The following CNOT3 variants were observed in gnomAD, a reference collection of about 807,000 sequenced individuals.
The protein encoded by CNOT3 is CCR4-associated factor 3.
A neutral mutation model predicts 89.4 loss-of-function variants in CNOT3; 2 were observed. That is an observed-to-expected ratio of 0.02 (90% CI 0.01 to 0.07). CNOT3 has a LOEUF of 0.07. Ranked by LOEUF, CNOT3 falls within the 10% of genes least tolerant of loss-of-function variation. The pLI is 1.00. For synonymous variants in CNOT3, 486 were observed against 402.0 expected (o/e 1.21, Z -2.50); for missense variants, 664 against 1,010.2 (o/e 0.66, Z 4.65).
At chr19:54,151,448 A>AGG (rs1339012968) in intron 13 of CNOT3, among the ~76,000 whole-genome samples, 1 of 152,142 alleles carries the variant, frequency 6.6e-6, no homozygotes, top group African/African-American at 2.4e-5. Flanking sequence ...TCACACCTGT[A>AGG]ATCCCAGCTC....
Position 54,148,691 on chromosome 19 carries a change from A to G in CNOT3, c.1354A>G (p.Ser452Gly). 1 of 1,611,984 alleles carries G rather than the reference A, an allele frequency of 6.2e-7. No homozygotes were observed. The highest frequency in any genetic ancestry group is 1.1e-5 in the South Asian group (1 of 90,662). The stretch of plus-strand genomic sequence containing the variant: ...CAGCAGTGGGGGCAACAATGCCAGC[A>G]GCCAGGCCTTGGGCCCCCCTTCCGG... ...LSSSGGNNAS[S>G]QALGPPSGPH... The change falls in exon 12 of 18, where the codon AGC becomes GGC. Residue 452 changes from serine (S) to glycine (G), a missense_variant. Around this residue, in one of 8 missense-constraint regions of CNOT3, gnomAD observed 545 missense variants for 566.2 expected, o/e 0.96. Coordinates refer to ENST00000221232, the MANE Select transcript of CNOT3 (RefSeq NM_014516.4). The surrounding 1 kb of genome is among the most constrained non-coding windows in gnomAD (Gnocchi z 6.3).
chr19:54,140,671 T>G (rs1274589315), intron 1 of CNOT3, among the ~76,000 whole-genome samples: 1 of 152,196 alleles, frequency 6.6e-6, no homozygotes, highest in Admixed American at 6.5e-5. Context: ...GCCCCTTCTC[T>G]GTGGAGGAGC....
intron 17 of CNOT3, 199 bp downstream of exon 17, chr19:54,154,039 A>G (rs2075289380): frequency 2.7e-6 from 2 of 752,562 alleles, no homozygotes; most frequent in Non-Finnish European, 2.4e-6. Context: ...GCCAGCTCCT[A>G]GGCCTCCTGT....
chr19:54,140,709 C>A (rs2074414824), intron 1 of CNOT3, among the ~76,000 whole-genome samples: 1 of 152,144 alleles, frequency 6.6e-6, no homozygotes, highest in South Asian at 2.1e-4. Flanking sequence ...TCAGCTGTAG[C>A]CGACTTCGAT....
At chr19:54,138,960 C>T (rs1451319582) in intron 1 of CNOT3, among the ~76,000 whole-genome samples, 1 of 152,232 alleles carries the variant, frequency 6.6e-6, no homozygotes, top group Non-Finnish European at 1.5e-5. Context: ...ACTCTCCGAC[C>T]TTCTGGGTGT....
At chr19:54,152,814 A>C in intron 15 of CNOT3, 53 bp from the exon 16 acceptor site, 1 of 919,872 alleles carries the variant, frequency 1.1e-6, no homozygotes, top group Non-Finnish European at 1.7e-6. Context: ...CACCCTTTTG[A>C]TCACGACAGG....
chr19:54,152,306 G>A lies in CNOT3; in HGVS notation c.1686G>A (p.Thr562=), dbSNP rs755814660. Reference sequence around the variant, plus strand: ...CTGGCATTGAGGACCCTGTGCCAACGCTGCACCTGACCGAGCGAGGTGAGG... The same window carrying A: ...CTGGCATTGAGGACCCTGTGCCAACACTGCACCTGACCGAGCGAGGTGAGG... The part of the protein sequence containing the change: ...ISSGIEDPVP[T]LHLTERDIIL... The change falls in exon 14 of 18, where the codon ACG becomes ACA. Residue 562 remains threonine, a synonymous_variant. Transcript: ENST00000221232. The A allele has an allele frequency of 4.8e-5, 78 of 1,614,074 alleles. No homozygotes were observed. The highest frequency in any genetic ancestry group is 6.1e-5 in the Non-Finnish European group (72 of 1,180,032).
intron 17 of CNOT3, chr19:54,154,723 G>A (rs1346624449): frequency 6.5e-6 from 1 of 153,178 alleles, no homozygotes; most frequent in Non-Finnish European, 1.5e-5. Flanking sequence ...TTAGAACCTA[G>A]GTCCTCTCCC....
At chr19:54,143,309 G>A (rs1353902448) in intron 3 of CNOT3, 123 bp downstream of exon 3, 7 of 846,106 alleles carry the variant, frequency 8.3e-6, no homozygotes, top group South Asian at 1.3e-5. Context: ...GGACCTAAGA[G>A]AATCAGCTCT....
At chr19:54,150,596 C>T (rs1242740088) in intron 13 of CNOT3, among the ~76,000 whole-genome samples, 7 of 108,196 alleles carry the variant, frequency 6.5e-5, no homozygotes, top group Non-Finnish European at 1.0e-4. Context: ...AGGCAGTGTG[C>T]GCGCCCAGGC....
At chr19:54,155,126 A>G in intron 17 of CNOT3, 183 bp from the exon 18 acceptor site, 1 of 642,550 alleles carries the variant, frequency 1.6e-6, no homozygotes, top group Admixed American at 3.2e-5. Flanking sequence ...CTGAAGTGGC[A>G]TGATAACATT....
chr19:54,146,971 G>A (rs1239534218), intron 10 of CNOT3, among the ~76,000 whole-genome samples: 1 of 152,208 alleles, frequency 6.6e-6, no homozygotes, highest in African/African-American at 2.4e-5. Flanking sequence ...GGCAAGTTGT[G>A]ACAGAAAGTT....
rs370029766 is a variant in CNOT3 at position 54,145,502 on chromosome 19, C to T, written c.484-96C>T. ...GGATGGCGTGGAGGCTTTGGGTCTC[C>T]ACAGGGGTCAGGGACTGAGGACAGG... On this transcript the variant is annotated intron_variant, in intron 7 of 17. Transcript: ENST00000221232. The surrounding 1 kb of genome is among the most constrained non-coding windows in gnomAD (Gnocchi z 5.9). The T allele has an allele frequency of 1.2e-6, 1 of 849,488 alleles. No homozygotes were observed. The highest frequency in any genetic ancestry group is 1.9e-6 in the Non-Finnish European group (1 of 512,976). The allele number at this position is 849,488 out of a possible 1,614,324, so 52.6% of individuals were successfully genotyped here. A position where few individuals can be genotyped will look rare whatever the true frequency, so the allele number is the denominator to read the frequency against.
chr19:54,147,429 C>G (rs1369927634), intron 10 of CNOT3, among the ~76,000 whole-genome samples: 2 of 152,178 alleles, frequency 1.3e-5, no homozygotes, highest in African/African-American at 2.4e-5. Flanking sequence ...GACACTGAGG[C>G]AGGTACTCCA....
chr19:54,150,713 A>G (rs1311981474), intron 13 of CNOT3, among the ~76,000 whole-genome samples: 1 of 149,054 alleles, frequency 6.7e-6, no homozygotes, highest in Non-Finnish European at 1.5e-5. Flanking sequence ...TATACCTACT[A>G]TGTAGGGTTA....
At chr19:54,140,446 CCT>C (rs1345312754) in intron 1 of CNOT3, among the ~76,000 whole-genome samples, 31 of 152,226 alleles carry the variant, frequency 2.0e-4, no homozygotes, top group Non-Finnish European at 2.9e-4. Flanking sequence ...TGGATGCCCC[CCT>C]GACTACAGCA....
Position 54,143,343 on chromosome 19 carries a change from G to GA in CNOT3, c.94-99_94-98insA, listed in dbSNP as rs1260050632. On this transcript the variant is annotated intron_variant, in intron 3 of 17. Coordinates refer to ENST00000221232, the MANE Select transcript of CNOT3 (RefSeq NM_014516.4). ...CTAAGATGGATTGGGGGTAGGGGTT[G>GA]GGGGGGGTCCTCGAGTCCCTAGCAT... 3 of 1,217,778 alleles carry GA rather than the reference G, an allele frequency of 2.5e-6. No individual in the cohort carries two copies. In the African/African-American group the frequency reaches 5.6e-5, roughly 23 times the overall value. 75.4% of individuals were successfully genotyped at this position (1,217,778 alleles called of 1,614,324 possible).
chr19:54,155,037 C>G (rs2075336757), intron 17 of CNOT3: 1 of 529,190 alleles, frequency 1.9e-6, no homozygotes, highest in Admixed American at 3.6e-5. Context: ...GAAGGCTGTG[C>G]ACTCACACCT....
chr19:54,145,907 C>T lies in CNOT3; in HGVS notation c.704-3C>T. The stretch of plus-strand genomic sequence containing the variant: ...TAAGCATGCCCTTCTTCTGCCCCCA[C>T]AGCACAGGCGCTGGTCGCCACCTCC... On this transcript the variant is annotated splice_polypyrimidine_tract_variant and splice_region_variant and intron_variant, in intron 8 of 17. Transcript: ENST00000221232. The surrounding 1 kb of genome is among the most constrained non-coding windows in gnomAD (Gnocchi z 5.9). The T allele has an allele frequency of 6.2e-7, 1 of 1,613,392 alleles. No individual in the cohort carries two copies. Among genetic ancestry groups the T allele is most frequent in the Non-Finnish European group, 8.5e-7 (1 of 1,179,778 alleles).
Sources: gnomAD v4.1 joint callset for allele counts (sites outside exome capture counted in the v4.1 genomes callset) on GRCh38, gnomAD v4.1.1 for gene constraint, gnomAD v4.1.1 regional missense constraint, Gnocchi (gnomAD v3.1) non-coding constraint, MANE v1.5 for transcripts, NCBI Gene and HGNC (gene_info 2026-07-23, HGNC 2026-07-21) for gene names.